Variants in TANGO6 observed in about 807,000 individuals in gnomAD.
The protein encoded by TANGO6 is transport and Golgi organization protein 6 homolog.
In TANGO6, 90 loss-of-function variants were observed where a neutral mutation model predicts 114.2. The observed-to-expected ratio is 0.79, with a 90% CI of 0.66 to 0.94. The LOEUF is 0.94. TANGO6 is among the 40% of genes least tolerant of loss of function. The probability of loss-of-function intolerance (pLI) is 0.00; values close to 1 mark genes in which losing one functional copy is unlikely to be tolerated. For missense variants in TANGO6, 1,274 were observed against 1,315.3 expected, an observed-to-expected ratio of 0.97 and a Z score of 0.49; for synonymous variants, 477 against 509.8, an observed-to-expected ratio of 0.94 and a Z score of 0.87.
intron 14 of TANGO6, among the ~76,000 whole-genome samples, chr16:68,945,714 C>A (rs1204807168): frequency 6.6e-6 from 1 of 150,894 alleles, no homozygotes; most frequent in Non-Finnish European, 1.5e-5. Context: ...GAGATGGAGT[C>A]TCACTCTGCT....
At chr16:68,944,675 C>G (rs1963394725) in intron 14 of TANGO6, among the ~76,000 whole-genome samples, 1 of 152,140 alleles carries the variant, frequency 6.6e-6, no homozygotes, top group Non-Finnish European at 1.5e-5. Flanking sequence ...AATGTGAGTA[C>G]CTTATGTCAT....
chr16:68,954,530 G>A (rs1963506972), intron 14 of TANGO6, among the ~76,000 whole-genome samples: 1 of 152,100 alleles, frequency 6.6e-6, no homozygotes, highest in Admixed American at 6.6e-5. Flanking sequence ...AAAAAGTTTT[G>A]AGAACTCACT....
At chr16:68,892,622 C>T (rs1308056057) in intron 7 of TANGO6, among the ~76,000 whole-genome samples, 1 of 151,190 alleles carries the variant, frequency 6.6e-6, no homozygotes. Flanking sequence ...TCAAGGGATT[C>T]TCCTGCCTGA....
chr16:68,878,566 T>C (rs577484367), intron 6 of TANGO6, among the ~76,000 whole-genome samples: 31 of 152,176 alleles, frequency 2.0e-4, no homozygotes, highest in Non-Finnish European at 4.1e-4. Context: ...TGAGACTTAG[T>C]TGCAGACATC....
chr16:68,868,309 A>G (rs948546100), intron 4 of TANGO6, among the ~76,000 whole-genome samples: 6 of 152,008 alleles, frequency 3.9e-5, no homozygotes, highest in Admixed American at 3.3e-4. Flanking sequence ...GTAGTTTTTA[A>G]TTTATGTTTT....
At chr16:69,039,117 G>A (rs1003077095) in intron 16 of TANGO6, among the ~76,000 whole-genome samples, 1 of 152,004 alleles carries the variant, frequency 6.6e-6, no homozygotes, top group Admixed American at 6.6e-5. Flanking sequence ...CCCGGGAAGC[G>A]GAGCTTGCTG....
At chr16:68,932,799 G>GAAAA (rs201178988) in intron 14 of TANGO6, among the ~76,000 whole-genome samples, 3 of 145,798 alleles carry the variant, frequency 2.1e-5, no homozygotes, top group African/African-American at 7.6e-5. Context: ...CAGAAAAAAA[G>GAAAA]AAAAAAAAAG....
intron 14 of TANGO6, among the ~76,000 whole-genome samples, chr16:68,948,529 A>G (rs1257577010): frequency 2.6e-5 from 4 of 152,306 alleles, no homozygotes; most frequent in Admixed American, 2.0e-4. Context: ...AAAATAATCA[A>G]TCATAGTGCC....
chr16:68,903,205 T>A (rs1055305780), intron 9 of TANGO6, among the ~76,000 whole-genome samples: 2 of 152,176 alleles, frequency 1.3e-5, no homozygotes, highest in Non-Finnish European at 1.5e-5. Context: ...GTTAACTTGG[T>A]AAAGTTGTAA....
chr16:68,956,017 G>C (rs960534617), intron 14 of TANGO6, among the ~76,000 whole-genome samples: 4 of 152,072 alleles, frequency 2.6e-5, no homozygotes, highest in East Asian at 1.9e-4. Flanking sequence ...TGGGCATGGT[G>C]GTGGGCACCT....
Position 68,878,135 on chromosome 16 carries a change from C to T in TANGO6, c.1149C>T (p.His383=). 1.9e-6 allele frequency: 3 copies of T among 1,609,686 alleles called. No homozygotes were observed. The highest frequency in any genetic ancestry group is 2.7e-5 in the African/African-American group (2 of 74,862). Residue 383 remains histidine (H), a synonymous_variant, in exon 6 of 18, where the codon CAC becomes CAT. Coordinates refer to ENST00000261778, the MANE Select transcript of TANGO6 (RefSeq NM_024562.2). ...DICPQVLDLF[H]FQDKLTARQF... ...TTTTGTAGGTTCTGGATTTATTTCA[C>T]TTTCAAGATAAATTGACAGCACGAC...
chr16:69,039,730 T>C (rs1959745396), intron 16 of TANGO6, among the ~76,000 whole-genome samples: 1 of 152,256 alleles, frequency 6.6e-6, no homozygotes, highest in African/African-American at 2.4e-5. Flanking sequence ...TGACCCCTGC[T>C]GACTCACATC....
intron 17 of TANGO6, among the ~76,000 whole-genome samples, chr16:69,075,207 GTC>G (rs1214506198): frequency 2.7e-5 from 4 of 147,802 alleles, no homozygotes; most frequent in Non-Finnish European, 5.9e-5. Flanking sequence ...TGGGGTCTAA[GTC>G]TCTCTCTCAA....
At chr16:69,052,053 T>A (rs995356191) in intron 17 of TANGO6, among the ~76,000 whole-genome samples, 5 of 147,538 alleles carry the variant, frequency 3.4e-5, no homozygotes, top group Non-Finnish European at 6.0e-5. Flanking sequence ...GCTCAGACAA[T>A]CCTCCCACCA....
intron 4 of TANGO6, chr16:68,867,536 A>G (rs893748541): frequency 4.2e-6 from 1 of 237,116 alleles, no homozygotes; most frequent in African/African-American, 2.3e-5. Context: ...CCTAAAGTAA[A>G]TGTTAAATAA....
chr16:69,075,127 G>A (rs1437760592), intron 17 of TANGO6, among the ~76,000 whole-genome samples: 1 of 151,164 alleles, frequency 6.6e-6, no homozygotes, highest in Non-Finnish European at 1.5e-5. Context: ...ACAGGTATAA[G>A]CCACTGTGCC....
intron 1 of TANGO6, among the ~76,000 whole-genome samples, chr16:68,858,626 G>A (rs1962038502): frequency 1.3e-5 from 2 of 151,802 alleles, no homozygotes; most frequent in Non-Finnish European, 2.9e-5. Context: ...GACCACAGGT[G>A]TGCACCACCA....
intron 14 of TANGO6, among the ~76,000 whole-genome samples, chr16:68,957,748 C>T (rs1285695205): frequency 6.6e-6 from 1 of 151,872 alleles, no homozygotes; most frequent in Non-Finnish European, 1.5e-5. Flanking sequence ...TATGAAGTAA[C>T]CATACTTATT....
At chr16:68,964,921 C>T (rs1000212924) in intron 14 of TANGO6, among the ~76,000 whole-genome samples, 1 of 152,076 alleles carries the variant, frequency 6.6e-6, no homozygotes, top group Non-Finnish European at 1.5e-5. Flanking sequence ...ATGACCATCA[C>T]TTAATCAATT....
Sources: allele counts gnomAD v4.1 joint callset (sites outside exome capture counted in the v4.1 genomes callset), GRCh38; gene constraint gnomAD v4.1.1; transcripts MANE v1.5; gene names NCBI Gene and HGNC (gene_info 2026-07-23, HGNC 2026-07-21).